Variants in DCLK1 observed in about 807,000 individuals in gnomAD.
DCLK1 encodes the protein serine/threonine-protein kinase DCLK1.
Under a neutral mutation model 86.2 loss-of-function variants are expected in DCLK1, and 16 were observed. That is an observed-to-expected ratio of 0.19 (90% CI 0.13 to 0.28). The LOEUF (loss-of-function observed/expected upper bound fraction) is 0.28. Among genes scored for constraint, DCLK1 ranks in the 10% least tolerant of loss-of-function variants. DCLK1 has a pLI of 1.00. For synonymous variants in DCLK1, 369 were observed against 370.5 expected (o/e 1.00, Z 0.05); for missense variants, 590 against 940.2 (o/e 0.63, Z 4.87).
At chr13:35,923,109 G>A (rs1485610817) in intron 4 of DCLK1, among the ~76,000 whole-genome samples, 2 of 152,110 alleles carry the variant, frequency 1.3e-5, no homozygotes, top group African/African-American at 2.4e-5. Context: ...TGAACAGGTC[G>A]ACCAGCCAGT....
chr13:36,087,996 T>G (rs988950167), intron 3 of DCLK1, among the ~76,000 whole-genome samples: 3 of 152,188 alleles, frequency 2.0e-5, no homozygotes, highest in Non-Finnish European at 4.4e-5. Flanking sequence ...TAAACAACAA[T>G]GTTTTTTAAA....
At chr13:35,972,574 C>T (rs1879122284) in intron 3 of DCLK1, among the ~76,000 whole-genome samples, 1 of 151,916 alleles carries the variant, frequency 6.6e-6, no homozygotes, top group East Asian at 1.9e-4. Context: ...GTGGAGTCAA[C>T]AGAGGTTGCC....
chr13:35,809,786 A>C (rs1361737137), intron 12 of DCLK1, among the ~76,000 whole-genome samples: 1 of 152,182 alleles, frequency 6.6e-6, no homozygotes, highest in Non-Finnish European at 1.5e-5. Context: ...GCCAAGTAGC[A>C]AAGTCCTCAT....
intron 3 of DCLK1, among the ~76,000 whole-genome samples, chr13:36,089,541 CA>C (rs1198352225): frequency 3.9e-5 from 6 of 152,194 alleles, no homozygotes; most frequent in African/African-American, 1.4e-4. Context: ...TTGTCCATTG[CA>C]AAGTGTTCCC....
rs1237096170 is a variant in DCLK1, at chr13:35,839,105, A to G, written c.1107T>C (p.Asp369=). 3 of 1,599,668 alleles carry G rather than the reference A, an allele frequency of 1.9e-6. No homozygotes were observed. Among genetic ancestry groups the G allele is most frequent in the Non-Finnish European group, 2.6e-6 (3 of 1,173,340 alleles). The change falls in exon 7 of 17, where the codon GAT becomes GAC. Residue 369 remains aspartate (D), a synonymous_variant. Transcript: ENST00000360631. ...TKVCSSMDEN[D]GPGEEVSEEG... ...CAAGCTCATCACCTTCTCCAGGGCCATCGTTCTCATCCATCGAGCTGCAGA... is the reference window on the plus strand; with the variant it reads ...CAAGCTCATCACCTTCTCCAGGGCCGTCGTTCTCATCCATCGAGCTGCAGA...
chr13:35,936,461 G>C (rs1876754152), intron 4 of DCLK1, among the ~76,000 whole-genome samples: 2 of 152,170 alleles, frequency 1.3e-5, no homozygotes, highest in African/African-American at 4.8e-5. Flanking sequence ...GGACATAAAA[G>C]GCTTAAGTTA....
intron 3 of DCLK1, among the ~76,000 whole-genome samples, chr13:35,964,550 G>A (rs971848410): frequency 3.9e-5 from 6 of 152,224 alleles, no homozygotes; most frequent in Admixed American, 2.0e-4. Flanking sequence ...GCATGTGGCC[G>A]GAAATATTTG....
intron 6 of DCLK1, chr13:35,849,808 G>T (rs975720227): frequency 1.2e-4 from 114 of 984,492 alleles, no homozygotes; most frequent in Non-Finnish European, 1.3e-4. Context: ...AGTGAATTTT[G>T]CTTTTCAAAT....
chr13:36,088,165 A>C lies in DCLK1; in HGVS notation c.723+23704T>G, dbSNP rs76104082. On this transcript the variant is annotated intron_variant, in intron 3 of 16. Transcript: ENST00000360631. ...AGGTTAAGTGACTGCTGGATTCTGG[A>C]ATAGCAGGTTGATGACTAGGAGGAG... Among the ~76,000 whole-genome samples, 914 of 152,314 alleles carry C rather than the reference A, an allele frequency of 6.0e-3. 9 individuals carry two copies. Among genetic ancestry groups the C allele is most frequent in the African/African-American group, 0.021 (861 of 41,566 alleles).
chr13:35,990,249 T>G (rs899608581), intron 3 of DCLK1, among the ~76,000 whole-genome samples: 8 of 152,198 alleles, frequency 5.3e-5, no homozygotes, highest in African/African-American at 1.9e-4. Flanking sequence ...GAAAAGTAAC[T>G]AAATTTTGTG....
At chr13:35,911,625 C>T (rs1371608549) in intron 4 of DCLK1, among the ~76,000 whole-genome samples, 1 of 152,172 alleles carries the variant, frequency 6.6e-6, no homozygotes, top group Non-Finnish European at 1.5e-5. Context: ...GCCTCTGCCA[C>T]CCAGAACATT....
At chr13:36,030,445 C>T (rs936844513) in intron 3 of DCLK1, among the ~76,000 whole-genome samples, 10 of 150,112 alleles carry the variant, frequency 6.7e-5, no homozygotes, top group Non-Finnish European at 1.2e-4. Flanking sequence ...TGTAGGTGCC[C>T]GCCACCACAC....
chr13:35,806,016 C>T (rs946464778), intron 14 of DCLK1, among the ~76,000 whole-genome samples: 1 of 152,116 alleles, frequency 6.6e-6, no homozygotes, highest in Non-Finnish European at 1.5e-5. Flanking sequence ...ATATCAGAAT[C>T]ATTTTCATAA....
intron 15 of DCLK1, among the ~76,000 whole-genome samples, chr13:35,802,485 G>T (rs1020076271): frequency 1.3e-5 from 2 of 151,962 alleles, no homozygotes; most frequent in Non-Finnish European, 2.9e-5. Context: ...GAGCTAATAT[G>T]CAATTTGACA....
intron 3 of DCLK1, among the ~76,000 whole-genome samples, chr13:36,104,676 A>G (rs940382861): frequency 6.6e-6 from 1 of 152,130 alleles, no homozygotes; most frequent in South Asian, 2.1e-4. Context: ...AATGATACTA[A>G]TAATAATATT....
intron 3 of DCLK1, among the ~76,000 whole-genome samples, chr13:35,950,215 C>G (rs1877591981): frequency 6.6e-6 from 1 of 152,210 alleles, no homozygotes; most frequent in Non-Finnish European, 1.5e-5. Flanking sequence ...GCAAAGGAGA[C>G]TTAAACACAA....
chr13:36,047,249 G>C (rs1882948571), intron 3 of DCLK1, among the ~76,000 whole-genome samples: 1 of 152,140 alleles, frequency 6.6e-6, no homozygotes, highest in Non-Finnish European at 1.5e-5. Context: ...AATTAGTACA[G>C]CCATTAATAG....
In DCLK1 at chr13:36,097,880, A is replaced by G. The variant is rs527289415; in HGVS notation, c.723+13989T>C. Among the ~76,000 whole-genome samples the G allele has an allele frequency of 8.5e-5, 13 of 152,302 alleles. No individual in the cohort carries two copies. The South Asian group carries it at 1.5e-3, about 17-fold the overall frequency. On this transcript the variant is annotated intron_variant, in intron 3 of 16. Coordinates refer to ENST00000360631, the MANE Select transcript of DCLK1 (RefSeq NM_001330071.2). ...AAAAAAAGATGCACATGAATTTTAT[A>G]TACTTAAAGTATTTGGAAAACACTA...
At chr13:36,121,271 C>A (rs942127636) in intron 2 of DCLK1, among the ~76,000 whole-genome samples, 1 of 152,162 alleles carries the variant, frequency 6.6e-6, no homozygotes, top group African/African-American at 2.4e-5. Context: ...GAACTGTTGG[C>A]ATAAAAAGTT....
Sources: allele counts gnomAD v4.1 joint callset (sites outside exome capture counted in the v4.1 genomes callset), GRCh38; gene constraint gnomAD v4.1.1; transcripts MANE v1.5; gene names NCBI Gene and HGNC (gene_info 2026-07-23, HGNC 2026-07-21).